Variants in ANK3 observed in about 807,000 individuals in gnomAD.
The protein encoded by ANK3 is ankyrin 3, also known as ankyrin-3.
In ANK3, 57 loss-of-function variants were observed where a neutral mutation model predicts 370.9. That is an observed-to-expected ratio of 0.15 (90% confidence interval 0.12 to 0.19). The LOEUF is 0.19. Among genes scored for constraint, ANK3 ranks in the 10% least tolerant of loss-of-function variants. The pLI is 1.00. For missense variants in ANK3, 4,439 were observed against 5,302.1 expected (o/e 0.84, Z 5.06); for synonymous variants, 1,929 against 1,946.3 (o/e 0.99, Z 0.23).
intron 8 of ANK3, among the ~76,000 whole-genome samples, chr10:60,218,097 C>CTTTCTTTTTTTTTTTTTT: frequency 7.9e-6 from 1 of 126,156 alleles, no homozygotes; most frequent in Non-Finnish European, 1.6e-5. Context: ...CTTTTTCTTT[C>CTTTCTTTTTTTTTTTTTT]TTTTTTTTTT....
At chr10:60,181,572 T>G in intron 17 of ANK3, 145 bp from the exon 18 acceptor site, 1 of 766,712 alleles carries the variant, frequency 1.3e-6, no homozygotes, top group Non-Finnish European at 2.1e-6. Context: ...TTTATATGCT[T>G]GGGAGGCTGA....
chr10:60,255,732 T>C lies in ANK3; in HGVS notation c.798+6127A>G, dbSNP rs576540422. ...TTTCTATGATGATGGACATGCGATA[T>C]ATCTGTGCCATTTAATAAGACAGTA... On this transcript the variant is annotated intron_variant, in intron 7 of 43. Transcript: ENST00000280772. 3.3e-5 allele frequency among the ~76,000 whole-genome samples: 5 copies of C among 152,328 alleles called. No individual in the cohort carries two copies. The South Asian group carries it at 1.0e-3, about 32-fold the overall frequency.
chr10:60,569,271 T>C (rs1029027885), intron 2 of ANK3, among the ~76,000 whole-genome samples: 1 of 152,194 alleles, frequency 6.6e-6, no homozygotes, highest in African/African-American at 2.4e-5. Flanking sequence ...AGGTTAGGTG[T>C]TATCATTTTA....
chr10:60,331,026 C>G (rs1033965637), intron 1 of ANK3, among the ~76,000 whole-genome samples: 2 of 151,486 alleles, frequency 1.3e-5, no homozygotes, highest in African/African-American at 4.9e-5. Context: ...AACAGAAAAC[C>G]AAACACTGCA....
rs992963450 is a variant in ANK3 at position 60,449,798 on chromosome 10, A to C, written c.96+165388T>G. On this transcript the variant is annotated intron_variant, in intron 2 of 43. Coordinates refer to the ANK3 transcript ENST00000373827. ...GATTAGGTGCTCTGAGAAATAAGACAACTCCATATATTTTCCAGAATACAG... is the reference window on the plus strand; with the variant it reads ...GATTAGGTGCTCTGAGAAATAAGACCACTCCATATATTTTCCAGAATACAG... Among the ~76,000 whole-genome samples, 3 of 152,314 alleles carry C rather than the reference A, an allele frequency of 2.0e-5. No individual in the cohort carries two copies. In the East Asian group the frequency reaches 5.8e-4, roughly 29 times the overall value.
intron 2 of ANK3, among the ~76,000 whole-genome samples, chr10:60,481,747 AG>A (rs2075222819): frequency 6.6e-6 from 1 of 152,210 alleles, no homozygotes; most frequent in Non-Finnish European, 1.5e-5. Context: ...TACAGGCGTG[AG>A]CCACTGCACC....
chr10:60,392,013 TA>T (rs1250433125), upstream of ANK3, among the ~76,000 whole-genome samples: 1 of 152,222 alleles, frequency 6.6e-6, no homozygotes, highest in East Asian at 1.9e-4. Flanking sequence ...ATTTCTAAAC[TA>T]GAACTTTGAA....
At chr10:60,228,593 A>T (rs954562932) in intron 8 of ANK3, among the ~76,000 whole-genome samples, 2 of 151,856 alleles carry the variant, frequency 1.3e-5, no homozygotes, top group African/African-American at 4.8e-5. Context: ...TTCTTATAAG[A>T]TGTTACATGT....
intron 1 of ANK3, among the ~76,000 whole-genome samples, chr10:60,713,250 A>C (rs953369126): frequency 6.6e-6 from 1 of 152,212 alleles, no homozygotes; most frequent in African/African-American, 2.4e-5. Context: ...GAAATCATAC[A>C]AAGTATGCTC....
chr10:60,522,882 G>C (rs545581299), intron 2 of ANK3, among the ~76,000 whole-genome samples: 101 of 152,016 alleles, frequency 6.6e-4, no homozygotes, highest in African/African-American at 2.3e-3. Context: ...ACACATACAC[G>C]GACAATCTGA....
rs377010437 is a variant in ANK3, at chr10:60,714,875, C to T, written c.57+18388G>A. Among the ~76,000 whole-genome samples the T allele has an allele frequency of 1.6e-4, 25 of 152,088 alleles. No individual in the cohort carries two copies. The East Asian group carries it at 1.9e-3, about 12-fold the overall frequency. On this transcript the variant is annotated intron_variant, in intron 1 of 43. Transcript: ENST00000373827. Reference sequence around the variant, plus strand: ...GGGGCACAGAAGATTTTTAGGGCAGCGAAATTATTTAGCATAATACCATCA... The same window carrying T: ...GGGGCACAGAAGATTTTTAGGGCAGTGAAATTATTTAGCATAATACCATCA...
intron 1 of ANK3, among the ~76,000 whole-genome samples, chr10:60,696,979 G>C (rs1255923634): frequency 1.4e-5 from 2 of 141,098 alleles, no homozygotes; most frequent in Admixed American, 1.4e-4. Context: ...GTTTGCAGAC[G>C]ACATGATTGT....
At chr10:60,104,596 C>T (rs561472610) in intron 28 of ANK3, among the ~76,000 whole-genome samples, 5 of 152,088 alleles carry the variant, frequency 3.3e-5, no homozygotes, top group Admixed American at 1.3e-4. Flanking sequence ...CAGTGCTATC[C>T]TTTCTTTTTA....
rs970858842 is a variant in ANK3 at position 60,178,281 on chromosome 10, G to A, written c.2184+3048C>T. Among the ~76,000 whole-genome samples the A allele has an allele frequency of 4.6e-5, 7 of 151,952 alleles. No individual in the cohort carries two copies. In the East Asian group the frequency reaches 5.8e-4, roughly 13 times the overall value. ...TTTGTCAAAAATCTTAGTTATTACCGAATACTCTAAAATTATATATATATT... is the reference window on the plus strand; with the variant it reads ...TTTGTCAAAAATCTTAGTTATTACCAAATACTCTAAAATTATATATATATT... On this transcript the variant is annotated intron_variant, in intron 18 of 43. Transcript: ENST00000280772.
At chr10:60,285,054 A>G (rs889030836) in intron 1 of ANK3, among the ~76,000 whole-genome samples, 2 of 152,056 alleles carry the variant, frequency 1.3e-5, no homozygotes, top group Non-Finnish European at 2.9e-5. Context: ...GATCGCCTCT[A>G]TTTCCCAGTG....
At chr10:60,685,107 G>A in intron 1 of ANK3, 2 of 1,061,096 alleles carry the variant, frequency 1.9e-6, no homozygotes, top group Non-Finnish European at 2.7e-6. Context: ...TCTGTGTGGA[G>A]GAGGTTTTCT....
At chr10:60,599,842 G>A (rs1255976750) in intron 2 of ANK3, among the ~76,000 whole-genome samples, 1 of 152,090 alleles carries the variant, frequency 6.6e-6, no homozygotes, top group African/African-American at 2.4e-5. Flanking sequence ...CATGGACAAG[G>A]CCCTGCCTTC....
At chr10:60,119,654 C>A (rs2093342410) in intron 25 of ANK3, among the ~76,000 whole-genome samples, 1 of 152,212 alleles carries the variant, frequency 6.6e-6, no homozygotes, top group Non-Finnish European at 1.5e-5. Context: ...CACCTGTAAT[C>A]CCATCTAATC....
intron 2 of ANK3, among the ~76,000 whole-genome samples, chr10:60,567,220 A>T (rs929113409): frequency 6.6e-6 from 1 of 152,178 alleles, no homozygotes; most frequent in African/African-American, 2.4e-5. Flanking sequence ...ACTACAGAGA[A>T]GTCAATGCCT....
Sources: allele counts gnomAD v4.1 joint callset (sites outside exome capture counted in the v4.1 genomes callset), GRCh38; gene constraint gnomAD v4.1.1; transcripts MANE v1.5; gene names NCBI Gene and HGNC (gene_info 2026-07-23, HGNC 2026-07-21).